Variants in DDX31 observed in about 807,000 individuals in gnomAD.
DDX31 encodes the protein ATP-dependent DNA helicase DDX31.
DDX31 carries 70 observed loss-of-function variants against 91.3 expected under a neutral mutation model. The ratio of observed to expected loss-of-function variants is 0.77; its 90% CI spans 0.63 to 0.94. The LOEUF (loss-of-function observed/expected upper bound fraction) is 0.94, where lower values mean the gene tolerates loss of function less well. DDX31 is among the 40% of genes least tolerant of loss of function. The pLI, the probability that DDX31 is intolerant of heterozygous loss-of-function variation, is 0.00. For missense variants in DDX31, 902 were observed against 925.0 expected, an observed-to-expected ratio of 0.98 and a Z score of 0.32; for synonymous variants, 362 against 350.6, an observed-to-expected ratio of 1.03 and a Z score of -0.36.
At chr9:132,667,210 T>C (rs1252178242) in intron 1 of DDX31, among the ~76,000 whole-genome samples, 1 of 152,118 alleles carries the variant, frequency 6.6e-6, no homozygotes, top group East Asian at 1.9e-4. Context: ...ATTTAAGCTG[T>C]TAGTCTTTCT....
At chr9:132,597,005 G>GA (rs754294721) in intron 19 of DDX31, among the ~76,000 whole-genome samples, 4 of 152,172 alleles carry the variant, frequency 2.6e-5, no homozygotes, top group Admixed American at 6.5e-5. Context: ...GTGAGGATTA[G>GA]AAAAAATCAA....
At chr9:132,654,519 A>T (rs548735541) in intron 6 of DDX31, among the ~76,000 whole-genome samples, 1 of 152,316 alleles carries the variant, frequency 6.6e-6, no homozygotes, top group South Asian at 2.1e-4. Flanking sequence ...AGGCTGAGAC[A>T]GGAGAATCTC....
chr9:132,631,893 G>T, intron 15 of DDX31, 148 bp downstream of exon 15: 1 of 633,812 alleles, frequency 1.6e-6, no homozygotes, highest in Non-Finnish European at 2.6e-6. Context: ...AGATGTCAGG[G>T]GAATTGAACA....
chr9:132,669,224 A>G (rs1276760569), intron 1 of DDX31, among the ~76,000 whole-genome samples: 2 of 151,810 alleles, frequency 1.3e-5, no homozygotes, highest in Admixed American at 1.3e-4. Flanking sequence ...GTTAATAGAG[A>G]TTCTTTGCAG....
Position 132,661,237 on chromosome 9 carries a change from A to T in DDX31, c.423T>A (p.Asn141Lys). 6.2e-7 allele frequency: 1 copy of T among 1,607,126 alleles called. No individual in the cohort carries two copies. Among genetic ancestry groups the T allele is most frequent in the Non-Finnish European group, 8.5e-7 (1 of 1,176,120 alleles). Residue 141 changes from asparagine to lysine, a missense_variant, in exon 4 of 20, where the codon AAT becomes AAA. By Grantham distance (94) the Asn-to-Lys change is moderately conservative. Transcript: ENST00000372159. The part of the protein sequence containing the change: ...GLHPHLISTI[N>K]TVLKMSSMTS... The stretch of plus-strand genomic sequence containing the variant: ...TCATACTAGACATTTTTAAGACCGT[A>T]TTTATTGTGGAAATCTAAAAGAGGA...
At chr9:132,628,974 G>C (rs550738766) in intron 16 of DDX31, among the ~76,000 whole-genome samples, 1 of 152,382 alleles carries the variant, frequency 6.6e-6, no homozygotes, top group Admixed American at 6.5e-5. Context: ...GGGAGGAAAA[G>C]GAAACTGGCT....
At position 132,594,596 on chromosome 9, in the gene DDX31, A is replaced by T; in HGVS notation, c.*270T>A. The T allele has an allele frequency of 2.7e-6, 1 of 364,852 alleles. No individual in the cohort carries two copies. The allele number at this position is 364,852 out of a possible 1,614,324, so 22.6% of individuals were successfully genotyped here. On this transcript the variant is annotated 3_prime_UTR_variant, in exon 20 of 20. Transcript: ENST00000372159. ...ACCCCGGCACGTCAGCACCTGGGTG[A>T]AGGGAGTGCCGGGCACTGATGGGAT...
chr9:132,626,097 GA>G (rs1370417061), intron 16 of DDX31, among the ~76,000 whole-genome samples: 1 of 148,974 alleles, frequency 6.7e-6, no homozygotes, highest in African/African-American at 2.5e-5. Flanking sequence ...AGATGATGAT[GA>G]AATAGAAGCA....
chr9:132,630,349 G>T lies in DDX31; in HGVS notation c.1546C>A (p.Arg516=), dbSNP rs780168692. 1.9e-6 allele frequency: 3 copies of T among 1,604,652 alleles called. No individual in the cohort carries two copies. In the Admixed American group the frequency reaches 5.0e-5, roughly 27 times the overall value. ...AGGCTGCTCCCATGGCAGCCAATCCGGGCGGTTCTTCCAATCCGGTGGATG... is the reference window on the plus strand; with the variant it reads ...AGGCTGCTCCCATGGCAGCCAATCCTGGCGGTTCTTCCAATCCGGTGGATG... The part of the protein sequence containing the change: ...EYIHRIGRTA[R]IGCHGSSLLI... Residue 516 remains arginine (R), a synonymous_variant, in exon 16 of 20, where the codon CGG becomes AGG. Transcript: ENST00000372159.
At chr9:132,669,604 A>G (rs1304516904) in intron 1 of DDX31, 1 of 1,514,750 alleles carries the variant, frequency 6.6e-7, no homozygotes, top group South Asian at 1.2e-5. Flanking sequence ...TCCTTCCTTT[A>G]CTTTTCTAGG....
chr9:132,649,801 A>C, intron 9 of DDX31, among the ~76,000 whole-genome samples: 1 of 152,252 alleles, frequency 6.6e-6, no homozygotes. Flanking sequence ...CCCATTACAA[A>C]TCCTAATAAA....
At position 132,628,459 on chromosome 9, in the gene DDX31, T is replaced by C. The variant is rs76021526; in HGVS notation, c.1631+1805A>G. Among the ~76,000 whole-genome samples the C allele has an allele frequency of 7.0e-3, 1,061 of 152,356 alleles. 12 individuals are homozygous for C. The highest frequency in any genetic ancestry group is 0.024 in the African/African-American group (1,010 of 41,592). On this transcript the variant is annotated intron_variant, in intron 16 of 19. Coordinates refer to ENST00000372159, the MANE Select transcript of DDX31 (RefSeq NM_022779.9). ...AGATCATCACAGCAGATGATGGTAT[T>C]TGTTATGTCTTTAAAATATACCTGA... is the stretch of plus-strand genomic sequence containing the variant.
In DDX31 at chr9:132,648,305, T is replaced by A. The variant is rs1833960696; in HGVS notation, c.861-10A>T. 8.1e-7 allele frequency: 1 copy of A among 1,239,904 alleles called. No individual in the cohort carries two copies. Among genetic ancestry groups the A allele is most frequent in the Non-Finnish European group, 1.1e-6 (1 of 891,570 alleles). 76.8% of individuals were successfully genotyped at this position (1,239,904 alleles called of 1,614,324 possible). ...ACCCAAATCCAAGATTCTGTGATTG[T>A]AAAAAAAAAAAGAAATTTTCAACTA... On this transcript the variant is annotated splice_polypyrimidine_tract_variant and intron_variant, in intron 10 of 19. Coordinates refer to ENST00000372159, the MANE Select transcript of DDX31 (RefSeq NM_022779.9).
At chr9:132,646,122 C>A in intron 12 of DDX31, 51 bp from the exon 13 acceptor site, 2 of 1,567,232 alleles carry the variant, frequency 1.3e-6, no homozygotes, top group Non-Finnish European at 1.7e-6. Flanking sequence ...GATTAGGTGA[C>A]GCCAAAACGA....
chr9:132,666,319 C>T (rs1835304141), intron 1 of DDX31, among the ~76,000 whole-genome samples: 1 of 151,152 alleles, frequency 6.6e-6, no homozygotes, highest in Non-Finnish European at 1.5e-5. Context: ...AGAAATAGAG[C>T]TTCATAATAA....
chr9:132,632,281 CACACACACACACACACAGTCCTGCAT>C (rs1832831995), intron 14 of DDX31, among the ~76,000 whole-genome samples, 190 bp from the exon 15 acceptor site: 1 of 147,522 alleles, frequency 6.8e-6, no homozygotes, highest in African/African-American at 2.6e-5. Context: ...CACACACACA[CACACACACACACACACAGTCCTGCAT>C]ACAACTTCAG....
chr9:132,663,596 T>A, intron 1 of DDX31: 1 of 861,774 alleles, frequency 1.2e-6, no homozygotes, highest in Non-Finnish European at 1.4e-6. Flanking sequence ...ATCCCTTGAG[T>A]AGCCAGTGCT....
At chr9:132,604,723 C>G (rs1470048659) in intron 19 of DDX31, among the ~76,000 whole-genome samples, 1 of 152,194 alleles carries the variant, frequency 6.6e-6, no homozygotes, top group Non-Finnish European at 1.5e-5. Context: ...TTCCAGAGCA[C>G]ATTCTGTTTC....
At chr9:132,600,907 C>T (rs1033248973) in intron 19 of DDX31, among the ~76,000 whole-genome samples, 4 of 152,200 alleles carry the variant, frequency 2.6e-5, no homozygotes, top group African/African-American at 9.6e-5. Context: ...TATGCACAGG[C>T]ACATGGCCAG....
Sources: allele counts gnomAD v4.1 joint callset (sites outside exome capture counted in the v4.1 genomes callset), GRCh38; gene constraint gnomAD v4.1.1; transcripts MANE v1.5; gene names NCBI Gene and HGNC (gene_info 2026-07-23, HGNC 2026-07-21).